DOCK11: variants seen among roughly 807,000 people sequenced by gnomAD.
The protein encoded by DOCK11 is dedicator of cytokinesis 11, also known as dedicator of cytokinesis protein 11.
A neutral mutation model predicts 169.1 loss-of-function variants in DOCK11; 70 were observed. The ratio of observed to expected loss-of-function variants is 0.41; its 90% CI spans 0.34 to 0.51. The LOEUF (loss-of-function observed/expected upper bound fraction) is 0.51. Ranked by LOEUF, DOCK11 falls within the 20% of genes least tolerant of loss-of-function variation. The pLI is 0.10. For missense variants in DOCK11, 1,166 were observed against 1,538.8 expected, an observed-to-expected ratio of 0.76 and a Z score of 4.05; for synonymous variants, 529 against 541.3, an observed-to-expected ratio of 0.98 and a Z score of 0.32.
intron 41 of DOCK11, among the ~76,000 whole-genome samples, 189 bp downstream of exon 41, chrX:118,649,316 A>C (rs763603266): frequency 6.3e-5 from 7 of 111,740 alleles, no homozygotes; most frequent in Non-Finnish European, 1.1e-4. Flanking sequence ...AGTATGAAAA[A>C]AATAGAAGAT....
At chrX:118,618,752 A>G in intron 31 of DOCK11, 24 bp downstream of exon 31, 1 of 1,101,628 alleles carries the variant, frequency 9.1e-7, no homozygotes, top group Non-Finnish European at 1.2e-6. Context: ...TGCAGTCATC[A>G]GTATCACACT....
chrX:118,523,776 T>C (rs765705905), intron 1 of DOCK11, among the ~76,000 whole-genome samples: 1 of 111,891 alleles, frequency 8.9e-6, no homozygotes, highest in Admixed American at 9.5e-5. Context: ...CAATAATACT[T>C]AGAAAACAAA....
At chrX:118,525,729 A>G (rs1215693030) in intron 1 of DOCK11, among the ~76,000 whole-genome samples, 1 of 112,118 alleles carries the variant, frequency 8.9e-6, no homozygotes, top group Non-Finnish European at 1.9e-5. Context: ...TTTTACCACA[A>G]TAACTAAAAA....
chrX:118,637,630 G>A (rs1289290063), intron 36 of DOCK11, among the ~76,000 whole-genome samples: 1 of 110,934 alleles, frequency 9.0e-6, no homozygotes, highest in African/African-American at 3.3e-5. Context: ...ATGGTGATGT[G>A]CACCTGTGGT....
chrX:118,581,660 T>A (rs867373469), intron 14 of DOCK11, among the ~76,000 whole-genome samples: 16 of 105,277 alleles, frequency 1.5e-4, no homozygotes, highest in Non-Finnish European at 3.1e-4. Flanking sequence ...AAAAATTAGC[T>A]GGGCATGGTG....
rs868702609 is a variant in DOCK11 at position 118,597,475 on chromosome X, A to G, written c.2308A>G (p.Thr770Ala). 1.7e-5 allele frequency: 20 copies of G among 1,209,858 alleles called. No homozygotes were observed. The African/African-American group carries it at 3.1e-4, about 19-fold the overall frequency. Residue 770 changes from threonine (T) to alanine (A), a missense_variant, in exon 21 of 53, where the codon ACA becomes GCA. Transcript: ENST00000276202. ...VPLLKDGRIITFEQQLPVSAN... is the reference protein window; with the variant it reads ...VPLLKDGRIIAFEQQLPVSAN... ...TTTGCTGAAAGATGGTAGAATCATC[A>G]CATTTGAGCAGCAGCTGCCAGTTTC...
At chrX:118,621,611 T>G (rs2014974245) in intron 31 of DOCK11, among the ~76,000 whole-genome samples, 1 of 111,800 alleles carries the variant, frequency 8.9e-6, no homozygotes, top group South Asian at 3.7e-4. Flanking sequence ...TGTTATGTGT[T>G]ACTCATAAAC....
chrX:118,597,878 A>G, intron 21 of DOCK11, 152 bp from the exon 22 acceptor site: 1 of 383,219 alleles, frequency 2.6e-6, no homozygotes, highest in East Asian at 4.2e-5. Context: ...TTTATGATAC[A>G]TTTATTCTAA....
chrX:118,551,564 G>A (rs1263595888), intron 6 of DOCK11, among the ~76,000 whole-genome samples: 1 of 110,649 alleles, frequency 9.0e-6, no homozygotes, highest in African/African-American at 3.3e-5. Flanking sequence ...TGGGCATGGT[G>A]ACGCATGCCT....
chrX:118,557,670 C>T (rs998630140), intron 6 of DOCK11, among the ~76,000 whole-genome samples: 1 of 98,070 alleles, frequency 1.0e-5, no homozygotes, highest in Non-Finnish European at 2.0e-5. Context: ...AGGCTGAGGC[C>T]GGAGAATGGC....
Position 118,520,659 on chromosome X carries a change from G to A in DOCK11, c.103-22066G>A, listed in dbSNP as rs1158586503. ...CCTTTGCCTTTCATTGACCTCGGTG[G>A]CTGCCAGTCAATGGAAAAATATGAT... is the stretch of plus-strand genomic sequence containing the variant. On this transcript the variant is annotated intron_variant, in intron 1 of 52. Coordinates refer to ENST00000276202, the MANE Select transcript of DOCK11 (RefSeq NM_144658.4). Among the ~76,000 whole-genome samples the A allele has an allele frequency of 2.7e-5, 3 of 111,619 alleles. No homozygotes were observed. In the East Asian group the frequency reaches 8.4e-4, roughly 31 times the overall value.
At chrX:118,544,729 C>T (rs372352122) in intron 4 of DOCK11, among the ~76,000 whole-genome samples, 2 of 90,663 alleles carry the variant, frequency 2.2e-5, no homozygotes, top group African/African-American at 8.3e-5. Context: ...GGCGCGATCT[C>T]GGCTCACTGC....
chrX:118,586,932 A>T lies in DOCK11; in HGVS notation c.1796-1205A>T, dbSNP rs773371559. ...ATTGAATTTTATTCTAAATGCAGTG[A>T]GAAGTCAATAAAGAATAGTAAATGG... is the stretch of plus-strand genomic sequence containing the variant. On this transcript the variant is annotated intron_variant, in intron 16 of 52. Coordinates refer to ENST00000276202, the MANE Select transcript of DOCK11 (RefSeq NM_144658.4). Among the ~76,000 whole-genome samples, 19 of 112,409 alleles carry T rather than the reference A, an allele frequency of 1.7e-4. 1 individual carries two copies. The South Asian group carries it at 7.0e-3, about 41-fold the overall frequency.
chrX:118,520,438 A>G (rs148457043), intron 1 of DOCK11, among the ~76,000 whole-genome samples: 1,467 of 112,511 alleles, frequency 0.013, 26 homozygotes, highest in African/African-American at 0.045. Context: ...TGCCAGCTTA[A>G]TTTATGGTTG....
intron 6 of DOCK11, among the ~76,000 whole-genome samples, chrX:118,560,898 A>G (rs1469199065): frequency 8.9e-6 from 1 of 111,983 alleles, no homozygotes; most frequent in African/African-American, 3.2e-5. Flanking sequence ...AGTGCCCTGT[A>G]AATTGGACTT....
chrX:118,519,164 T>C (rs955593734), intron 1 of DOCK11, among the ~76,000 whole-genome samples: 2 of 111,881 alleles, frequency 1.8e-5, no homozygotes, highest in Non-Finnish European at 3.8e-5. Context: ...TTACAGCAAA[T>C]GAGAATTGAA....
At chrX:118,548,757 C>T (rs1362124894) in intron 6 of DOCK11, among the ~76,000 whole-genome samples, 1 of 112,349 alleles carries the variant, frequency 8.9e-6, no homozygotes, top group Admixed American at 9.4e-5. Context: ...AGACCCATGT[C>T]AGACTTCTAA....
chrX:118,554,859 A>G (rs73585591), intron 6 of DOCK11, among the ~76,000 whole-genome samples: 4,694 of 111,969 alleles, frequency 0.042, 244 homozygotes, highest in African/African-American at 0.14. Context: ...TATGGAGGGC[A>G]TAACAGTAAT....
chrX:118,666,702 A>G (rs1203912214), intron 45 of DOCK11, among the ~76,000 whole-genome samples: 1 of 111,938 alleles, frequency 8.9e-6, no homozygotes, highest in African/African-American at 3.2e-5. Flanking sequence ...TTGTTGACAT[A>G]TGCTTTTTTT....
Sources: gnomAD v4.1 joint callset for allele counts (sites outside exome capture counted in the v4.1 genomes callset) on GRCh38, gnomAD v4.1.1 for gene constraint, MANE v1.5 for transcripts, NCBI Gene and HGNC (gene_info 2026-07-23, HGNC 2026-07-21) for gene names.